The following KLRG1 variants were observed in gnomAD, a reference collection of about 807,000 sequenced individuals.
KLRG1 encodes killer cell lectin-like receptor subfamily G member 1.
In KLRG1, 16 loss-of-function variants were observed where a neutral mutation model predicts 21.8. That is an observed-to-expected ratio of 0.73 (90% CI 0.50 to 1.11). KLRG1 has a LOEUF of 1.11. KLRG1 is among the 50% of genes most tolerant of loss of function. The pLI is 0.00. For synonymous variants in KLRG1, 69 were observed against 75.9 expected (o/e 0.91, Z 0.47); for missense variants, 173 against 218.3 (o/e 0.79, Z 1.31).
At chr12:9,203,653 A>T in the KLRG1 span, 8 of 1,300,976 alleles carry the variant, frequency 6.1e-6, no homozygotes, top group Non-Finnish European at 8.5e-6. Flanking sequence ...TGAAGTCCTA[A>T]CTACATTCTT....
chr12:9,136,475 TTTC>T, the KLRG1 span, among the ~76,000 whole-genome samples: 1 of 152,232 alleles, frequency 6.6e-6, no homozygotes, highest in African/African-American at 2.4e-5. Context: ...TAATAAATTG[TTTC>T]TTATCTTGGC....
chr12:9,207,837 C>A, the KLRG1 span, among the ~76,000 whole-genome samples: 1 of 152,190 alleles, frequency 6.6e-6, no homozygotes, highest in East Asian at 1.9e-4. Flanking sequence ...TGGTCCCCCA[C>A]TGGGGGCTGT....
chr12:8,991,877 C>A lies in KLRG1; in HGVS notation c.83-329C>A, dbSNP rs750791169. Among the ~76,000 whole-genome samples the A allele has an allele frequency of 5.9e-5, 9 of 152,206 alleles. No individual in the cohort carries two copies. The East Asian group carries it at 1.5e-3, about 26-fold the overall frequency. On this transcript the variant is annotated intron_variant, in intron 1 of 4. Transcript: ENST00000356986. ...CTAGGTCAAAGGGTACATGCCTTTG[C>A]CGTTTTGGTAGATATTGCCCAATTG...
At chr12:9,111,996 C>T in the KLRG1 span, 1 of 791,754 alleles carries the variant, frequency 1.3e-6, no homozygotes. Flanking sequence ...ACTTTCTTTA[C>T]CTGGAATGAT....
chr12:9,180,062 A>G, the KLRG1 span, among the ~76,000 whole-genome samples: 1 of 152,192 alleles, frequency 6.6e-6, no homozygotes, highest in Non-Finnish European at 1.5e-5. Flanking sequence ...AGCTTGAGAA[A>G]CTATCAAGTA....
the KLRG1 span, chr12:9,196,204 T>A: frequency 3.5e-6 from 2 of 576,682 alleles, no homozygotes; most frequent in African/African-American, 3.7e-5. Flanking sequence ...TATTTCTCCT[T>A]GGTTTCATGG....
chr12:9,068,015 G>T, the KLRG1 span: 2 of 976,402 alleles, frequency 2.0e-6, no homozygotes, highest in Non-Finnish European at 3.1e-6. Context: ...TCTGAGGTTT[G>T]ACAGAGTCAG....
the KLRG1 span, chr12:9,104,307 C>A: frequency 6.2e-7 from 1 of 1,612,972 alleles, no homozygotes; most frequent in Admixed American, 1.7e-5. Flanking sequence ...CCATGCTCAT[C>A]CGTGGTAGCA....
the KLRG1 span, among the ~76,000 whole-genome samples, chr12:9,163,296 CA>C: frequency 0.24 from 32,069 of 134,034 alleles, 3,639 homozygotes; most frequent in East Asian, 0.4. Context: ...ACTAAAAATA[CA>C]AAAAAAAAAA....
At chr12:9,153,722 G>A in the KLRG1 span, among the ~76,000 whole-genome samples, 1 of 152,138 alleles carries the variant, frequency 6.6e-6, no homozygotes, top group Non-Finnish European at 1.5e-5. Context: ...AATGGTATGA[G>A]ACAAGTTGCA....
the KLRG1 span, chr12:9,076,970 T>C: frequency 2.0e-6 from 3 of 1,519,040 alleles, no homozygotes; most frequent in East Asian, 2.3e-5. Context: ...AACTAAGCTA[T>C]GTAAACAGGC....
chr12:8,974,267 A>G (rs1012941883), intron 1 of KLRG1, among the ~76,000 whole-genome samples: 2 of 151,620 alleles, frequency 1.3e-5, no homozygotes, highest in Admixed American at 1.3e-4. Flanking sequence ...TCCCGGGTTC[A>G]TGCCATTCTT....
chr12:9,157,251 A>G, the KLRG1 span: 1 of 1,614,194 alleles, frequency 6.2e-7, no homozygotes, highest in Non-Finnish European at 8.5e-7. Flanking sequence ...GGGAAAAAGC[A>G]TAGGCCAGCA....
At chr12:9,182,167 G>T in the KLRG1 span, 2 of 1,548,022 alleles carry the variant, frequency 1.3e-6, no homozygotes, top group Non-Finnish European at 1.8e-6. Context: ...AGACAAAAAG[G>T]TCATAAAAAT....
At chr12:9,031,422 C>T in the KLRG1 span, among the ~76,000 whole-genome samples, 1 of 152,122 alleles carries the variant, frequency 6.6e-6, no homozygotes, top group East Asian at 1.9e-4. Flanking sequence ...GAGGACTTAC[C>T]CGTTCCACCG....
the KLRG1 span, chr12:9,080,545 T>C: frequency 6.2e-6 from 1 of 160,046 alleles, no homozygotes; most frequent in East Asian, 1.8e-4. Context: ...TCAACAGTTG[T>C]ATGGAGAAAA....
chr12:9,018,013 CA>C, the KLRG1 span, among the ~76,000 whole-genome samples: 2 of 152,114 alleles, frequency 1.3e-5, no homozygotes, highest in Non-Finnish European at 2.9e-5. Flanking sequence ...ATCCTATTTA[CA>C]ATAGCTACAA....
the KLRG1 span, among the ~76,000 whole-genome samples, chr12:9,153,739 T>G: frequency 6.6e-6 from 1 of 152,206 alleles, no homozygotes; most frequent in Non-Finnish European, 1.5e-5. Context: ...TGCACTTTCT[T>G]GAGTTTCTTT....
At chr12:9,004,163 C>T (rs971373518) in intron 3 of KLRG1, among the ~76,000 whole-genome samples, 26 of 152,144 alleles carry the variant, frequency 1.7e-4, no homozygotes, top group Admixed American at 1.7e-3. Context: ...ACAATAAACA[C>T]ACGTGTGCAT....
Sources: gnomAD v4.1 joint callset for allele counts (sites outside exome capture counted in the v4.1 genomes callset) on GRCh38, gnomAD v4.1.1 for gene constraint, MANE v1.5 for transcripts, NCBI Gene and HGNC (gene_info 2026-07-23, HGNC 2026-07-21) for gene names.